Variants in ARL14EP observed in about 807,000 individuals in gnomAD.
ARL14EP encodes ARF like GTPase 14 effector protein, also known as ARL14 effector protein.
Under a neutral mutation model 23.1 loss-of-function variants are expected in ARL14EP, and 12 were observed. The ratio of observed to expected loss-of-function variants is 0.52; its 90% CI spans 0.33 to 0.84. The LOEUF is 0.84. Ranked by LOEUF, ARL14EP falls within the 40% of genes least tolerant of loss-of-function variation. The pLI, the probability that ARL14EP is intolerant of heterozygous loss-of-function variation, is 0.02. For missense variants in ARL14EP, 253 were observed against 307.3 expected (o/e 0.82, Z 1.32); for synonymous variants, 97 against 102.0 (o/e 0.95, Z 0.29).
chr11:30,334,018 A>G (rs1947308480), intron 3 of ARL14EP, among the ~76,000 whole-genome samples: 1 of 152,132 alleles, frequency 6.6e-6, no homozygotes, highest in Admixed American at 6.5e-5. Context: ...CAAGGTTCTA[A>G]CCCTCTTCAA....
intron 3 of ARL14EP, among the ~76,000 whole-genome samples, chr11:30,334,826 A>T (rs1947319229): frequency 6.6e-6 from 1 of 152,208 alleles, no homozygotes; most frequent in Admixed American, 6.5e-5. Context: ...TTCCTTTCAA[A>T]ATATTGCTAC....
intron 1 of ARL14EP, chr11:30,329,965 A>G (rs1291791259): frequency 6.6e-6 from 1 of 151,824 alleles, no homozygotes; most frequent in Non-Finnish European, 1.5e-5. Context: ...ATTCTTCCAT[A>G]CTTCCATGTC....
rs866270504 is a variant in ARL14EP, at chr11:30,337,330, C to A, written c.*535C>A. On this transcript the variant is annotated 3_prime_UTR_variant, in exon 4 of 4. Transcript: ENST00000282032. ...GTTTGTCCCTGTGCATCTGTTAATT[C>A]AGTTCACGTACAGCAGAGCATGTAG... 2 of 168,360 alleles carry A rather than the reference C, an allele frequency of 1.2e-5. No homozygotes were observed. Among genetic ancestry groups the A allele is most frequent in the African/African-American group, 4.8e-5 (2 of 41,550 alleles). 10.4% of individuals were successfully genotyped at this position (168,360 alleles called of 1,614,324 possible). A position where few individuals can be genotyped will look rare whatever the true frequency, so the allele number is the denominator to read the frequency against.
At position 30,336,966 on chromosome 11, in the gene ARL14EP, AT is replaced by A; in HGVS notation, c.*172del. 1 of 677,130 alleles carries A rather than the reference AT, an allele frequency of 1.5e-6. No individual in the cohort carries two copies. Among genetic ancestry groups the A allele is most frequent in the Non-Finnish European group, 2.5e-6 (1 of 393,032 alleles). 41.9% of individuals were successfully genotyped at this position (677,130 alleles called of 1,614,324 possible). A position where few individuals can be genotyped will look rare whatever the true frequency, so the allele number is the denominator to read the frequency against. ...GATTCACTATTTGATATAAATTCAGATAGGCTATTTTTCAGTAGTCAGCGTT... is the reference window on the plus strand; with the variant it reads ...GATTCACTATTTGATATAAATTCAGAAGGCTATTTTTCAGTAGTCAGCGTT... On this transcript the variant is annotated 3_prime_UTR_variant, in exon 4 of 4. Transcript: ENST00000282032.
At chr11:30,332,678 A>G (rs558233166) in intron 2 of ARL14EP, among the ~76,000 whole-genome samples, 188 bp from the exon 3 acceptor site, 29 of 152,284 alleles carry the variant, frequency 1.9e-4, no homozygotes, top group Middle Eastern at 3.4e-3. Context: ...ACATTAACCA[A>G]TATGCTTTGA....
chr11:30,330,403 A>G (rs1226485894), intron 1 of ARL14EP: 4 of 152,518 alleles, frequency 2.6e-5, no homozygotes, highest in East Asian at 3.8e-4. Context: ...GATAATTGAC[A>G]TATTTTTTAT....
intron 1 of ARL14EP, chr11:30,328,879 G>C (rs925081372): frequency 4.6e-5 from 7 of 151,842 alleles, no homozygotes; most frequent in Admixed American, 3.3e-4. Flanking sequence ...TCAGATTTCA[G>C]TGGTTCACAT....
chr11:30,324,601 A>G (rs1193457961), intron 1 of ARL14EP, among the ~76,000 whole-genome samples: 1 of 152,050 alleles, frequency 6.6e-6, no homozygotes, highest in Non-Finnish European at 1.5e-5. Flanking sequence ...ATAATGTCCT[A>G]GACCTTGCAA....
chr11:30,334,232 T>TTTTTTTTTC (rs1332199100), intron 3 of ARL14EP, among the ~76,000 whole-genome samples: 2 of 133,360 alleles, frequency 1.5e-5, no homozygotes, highest in Non-Finnish European at 3.1e-5. Context: ...TTTTTTTTTT[T>TTTTTTTTTC]TGAGATGGAG....
At chr11:30,328,040 A>G (rs926618903) in intron 1 of ARL14EP, 1 of 151,922 alleles carries the variant, frequency 6.6e-6, no homozygotes, top group African/African-American at 2.4e-5. Context: ...GCTAATATAC[A>G]TTGCCACATA....
Position 30,331,024 on chromosome 11 carries a change from A to G in ARL14EP, c.76A>G (p.Thr26Ala). The G allele has an allele frequency of 6.2e-7, 1 of 1,613,864 alleles. No individual in the cohort carries two copies. The highest frequency in any genetic ancestry group is 8.5e-7 in the Non-Finnish European group (1 of 1,179,778). Residue 26 changes from threonine to alanine, a missense_variant, in exon 2 of 4, where the codon ACA (threonine) becomes GCA (alanine). Coordinates refer to ENST00000282032, the MANE Select transcript of ARL14EP (RefSeq NM_152316.3). ...CCATAAAACCTACTATACTCGTCAC[A>G]CAGGTTTTAAGACTTTGCAAGAATT... ...ECHKTYYTRH[T>A]GFKTLQELSS... is the part of the protein sequence containing the mutation.
chr11:30,324,791 T>C (rs1414581747), intron 1 of ARL14EP, among the ~76,000 whole-genome samples: 2 of 152,224 alleles, frequency 1.3e-5, no homozygotes, highest in Non-Finnish European at 2.9e-5. Context: ...GCAAATACTT[T>C]TGTTTACTGC....
intron 3 of ARL14EP, among the ~76,000 whole-genome samples, chr11:30,333,434 T>C (rs1357918042): frequency 6.6e-6 from 1 of 152,206 alleles, no homozygotes; most frequent in African/African-American, 2.4e-5. Flanking sequence ...TCCCTATCTC[T>C]GTCGCATTTT....
chr11:30,333,724 G>C (rs1947305933), intron 3 of ARL14EP, among the ~76,000 whole-genome samples: 1 of 152,134 alleles, frequency 6.6e-6, no homozygotes, highest in South Asian at 2.1e-4. Flanking sequence ...GTGAAAGGAA[G>C]AGTCAAGTTT....
rs1947343121 is a variant in ARL14EP at position 30,337,489 on chromosome 11, A to G, written c.*694A>G. 1 of 152,374 alleles carries G rather than the reference A, an allele frequency of 6.6e-6. No homozygotes were observed. Among genetic ancestry groups the G allele is most frequent in the African/African-American group, 2.4e-5 (1 of 41,464 alleles). The allele number at this position is 152,374 out of a possible 1,614,324, so 9.4% of individuals were successfully genotyped here. On this transcript the variant is annotated 3_prime_UTR_variant, in exon 4 of 4. Transcript: ENST00000282032. The stretch of plus-strand genomic sequence containing the variant: ...GAAGTGAAATTTTAATCAAACATAA[A>G]TGAATTTGTAGAAGAAGTCACTGAC...
At chr11:30,325,692 G>A (rs1166364613) in intron 1 of ARL14EP, among the ~76,000 whole-genome samples, 7 of 152,060 alleles carry the variant, frequency 4.6e-5, no homozygotes, top group Middle Eastern at 3.4e-3. Context: ...CTTTTCTTGC[G>A]TTAAAAGATT....
intron 3 of ARL14EP, 149 bp downstream of exon 3, chr11:30,333,142 T>C (rs1200522590): frequency 7.4e-6 from 8 of 1,081,748 alleles, no homozygotes; most frequent in Non-Finnish European, 2.6e-6. Flanking sequence ...CCTTTGTTTT[T>C]ATTCATATAA....
At chr11:30,328,797 T>G (rs1374912448) in intron 1 of ARL14EP, 1 of 152,088 alleles carries the variant, frequency 6.6e-6, no homozygotes, top group Non-Finnish European at 1.5e-5. Context: ...TTTGTTTTTT[T>G]TTTAATTTTG....
At chr11:30,324,439 G>A (rs1323827942) in intron 1 of ARL14EP, among the ~76,000 whole-genome samples, 2 of 152,056 alleles carry the variant, frequency 1.3e-5, no homozygotes, top group African/African-American at 4.8e-5. Context: ...ATTGGAACGG[G>A]TATTTCTGCA....
Sources: allele counts gnomAD v4.1 joint callset (sites outside exome capture counted in the v4.1 genomes callset), GRCh38; gene constraint gnomAD v4.1.1; transcripts MANE v1.5; gene names NCBI Gene and HGNC (gene_info 2026-07-23, HGNC 2026-07-21).